The following RGS12 variants were observed in gnomAD, a reference collection of about 807,000 sequenced individuals.
RGS12 encodes the protein regulator of G protein signaling 12, also known as regulator of G-protein signaling 12.
A neutral mutation model predicts 120.1 loss-of-function variants in RGS12; 66 were observed. That is an observed-to-expected ratio of 0.55 (90% CI 0.45 to 0.67). The LOEUF is 0.67. Ranked by LOEUF, RGS12 falls within the 30% of genes least tolerant of loss-of-function variation. The probability of loss-of-function intolerance (pLI) is 0.00; values close to 1 mark genes in which losing one functional copy is unlikely to be tolerated. For synonymous variants in RGS12, 827 were observed against 804.7 expected (o/e 1.03, Z -0.47); for missense variants, 1,859 against 1,957.7 (o/e 0.95, Z 0.95).
chr4:3,406,801 C>T (rs1721183163), intron 4 of RGS12, among the ~76,000 whole-genome samples: 1 of 152,170 alleles, frequency 6.6e-6, no homozygotes, highest in Non-Finnish European at 1.5e-5. Context: ...AGGGACCACC[C>T]CATGTGGTGG....
At position 3,365,529 on chromosome 4, in the gene RGS12, G is replaced by A. The variant is rs551735329; in HGVS notation, c.1999-20887G>A. Reference sequence around the variant, plus strand: ...CTGTAAATCCCAGCAAAAACCGACGGAGCCCTGAGTCCGACCTAAGCCTTA... The same window carrying A: ...CTGTAAATCCCAGCAAAAACCGACGAAGCCCTGAGTCCGACCTAAGCCTTA... On this transcript the variant is annotated intron_variant, in intron 3 of 17. Coordinates refer to ENST00000336727, the MANE Select transcript of RGS12 (RefSeq NM_001394154.1). This position sits in a 1 kb window ranked among gnomAD's most constrained non-coding sequence, Gnocchi z 4.0. Among the ~76,000 whole-genome samples, 109 of 152,246 alleles carry A rather than the reference G, an allele frequency of 7.2e-4. No homozygotes were observed. The highest frequency in any genetic ancestry group is 2.4e-3 in the African/African-American group (99 of 41,524).
intron 4 of RGS12, among the ~76,000 whole-genome samples, chr4:3,411,695 A>T (rs748860572): frequency 6.6e-6 from 1 of 152,132 alleles, no homozygotes; most frequent in African/African-American, 2.4e-5. Context: ...CCCCAGAGAG[A>T]GTGAGTGTGC....
At position 3,420,727 on chromosome 4, in the gene RGS12, C is replaced by T; in HGVS notation, c.2838+9C>T. On this transcript the variant is annotated intron_variant, in intron 10 of 17. Transcript: ENST00000336727. ...CGGGGAGCCTGGACCTGGTGAGTCA[C>T]TGTCTCCCCTCGTCCCACAGGCCTC... 6.2e-7 allele frequency: 1 copy of T among 1,610,172 alleles called. No homozygotes were observed. The highest frequency in any genetic ancestry group is 8.5e-7 in the Non-Finnish European group (1 of 1,179,214).
At chr4:3,416,763 A>AC (rs1722442793) in intron 7 of RGS12, 150 bp from the exon 8 acceptor site, 1 of 668,234 alleles carries the variant, frequency 1.5e-6, no homozygotes, top group East Asian at 2.6e-5. Context: ...ACTCTTAAGT[A>AC]CCCTCAGGGC....
In RGS12 at chr4:3,430,668, G is replaced by T. The variant is rs772478098; in HGVS notation, c.3827G>T (p.Gly1276Val). The T allele has an allele frequency of 2.5e-6, 4 of 1,588,460 alleles. No homozygotes were observed. Among genetic ancestry groups the T allele is most frequent in the Admixed American group, 1.7e-5 (1 of 57,228 alleles). ...AGCGACAGCCCGTCCACCAGCCCGG[G>T]CTCAGCCTCCAGCCCCCCTGGACCT... ...ESSDSPSTSP[G>V]SASSPPGPPG... Residue 1276 changes from glycine to valine, a missense_variant, in exon 17 of 18, where the codon GGC becomes GTC. Coordinates refer to ENST00000336727, the MANE Select transcript of RGS12 (RefSeq NM_001394154.1).
Position 3,425,505 on chromosome 4 carries a change from G to C in RGS12, c.3276G>C (p.Ser1092=). ...KEPLDLGAPI[S]SLDGQRVVLE... Reference sequence around the variant, plus strand: ...CCCTGGACCTTGGCGCCCCTATATCGAGTCTGGACGGACAGCGGGTTGTCT... The same window carrying C: ...CCCTGGACCTTGGCGCCCCTATATCCAGTCTGGACGGACAGCGGGTTGTCT... Residue 1092 remains serine (S), a synonymous_variant, in exon 14 of 18, where the codon TCG becomes TCC. Transcript: ENST00000336727. 6.2e-7 allele frequency: 1 copy of C among 1,612,084 alleles called. No individual in the cohort carries two copies. The highest frequency in any genetic ancestry group is 2.2e-5 in the East Asian group (1 of 44,812).
chr4:3,361,555 C>T (rs1053642645), intron 3 of RGS12, among the ~76,000 whole-genome samples: 13 of 152,234 alleles, frequency 8.5e-5, no homozygotes, highest in South Asian at 2.1e-4. Flanking sequence ...TGGCGAGGGG[C>T]AGGCTGGCCT....
At chr4:3,422,175 G>A (rs543068125) in intron 10 of RGS12, among the ~76,000 whole-genome samples, 14 of 152,328 alleles carry the variant, frequency 9.2e-5, no homozygotes, top group East Asian at 3.9e-4. Flanking sequence ...CCGCTCTCTC[G>A]TGTTAATTCA....
rs1716222806 is a variant in RGS12, at chr4:3,365,630, G to A, written c.1999-20786G>A. Among the ~76,000 whole-genome samples the A allele has an allele frequency of 6.6e-6, 1 of 152,126 alleles. No individual in the cohort carries two copies. ...CTTCCTGGCCTCCCACTCACCTCTG[G>A]GACGACGTGCCGCACGTCACATTGT... On this transcript the variant is annotated intron_variant, in intron 3 of 17. Coordinates refer to ENST00000336727, the MANE Select transcript of RGS12 (RefSeq NM_001394154.1). This position sits in a 1 kb window ranked among gnomAD's most constrained non-coding sequence, Gnocchi z 4.0.
At chr4:3,436,889 C>T (rs545616373) in intron 17 of RGS12, among the ~76,000 whole-genome samples, 21 of 152,306 alleles carry the variant, frequency 1.4e-4, no homozygotes, top group African/African-American at 4.1e-4. Context: ...GGCAGGGAGC[C>T]GTGGGGCGCC....
At chr4:3,287,264 G>A in the RGS12 span, among the ~76,000 whole-genome samples, 1 of 152,144 alleles carries the variant, frequency 6.6e-6, no homozygotes, top group Non-Finnish European at 1.5e-5. Flanking sequence ...TTGTTTTGAG[G>A]CGATGCTTTC....
chr4:3,314,152 T>C (rs1483737015), intron 1 of RGS12: 1 of 152,006 alleles, frequency 6.6e-6, no homozygotes, highest in Non-Finnish European at 1.5e-5. Flanking sequence ...ATGTAATTTA[T>C]ATTCATTTTT....
At position 3,417,716 on chromosome 4, in the gene RGS12, G is replaced by T. The variant is rs57569746; in HGVS notation, c.2761+175G>T. On this transcript the variant is annotated intron_variant, in intron 9 of 17. Transcript: ENST00000336727. ...GGAATGCCGCTGTGTCTGGGGACAC[G>T]ACCTGTCAGCCAGCCAGAGGGCAGC... The T allele has an allele frequency of 3.2e-5, 21 of 656,690 alleles. No homozygotes were observed. The African/African-American group carries it at 3.8e-4, about 12-fold the overall frequency. 40.7% of individuals were successfully genotyped at this position (656,690 alleles called of 1,614,324 possible).
chr4:3,308,397 C>T (rs970380273), intron 1 of RGS12, among the ~76,000 whole-genome samples: 2 of 152,182 alleles, frequency 1.3e-5, no homozygotes, highest in Non-Finnish European at 1.5e-5. Context: ...GCTCCTCTTG[C>T]TGCAGGCGGG....
chr4:3,386,979 A>G (rs895398220), intron 4 of RGS12, among the ~76,000 whole-genome samples: 1 of 152,252 alleles, frequency 6.6e-6, no homozygotes, highest in African/African-American at 2.4e-5. Flanking sequence ...GGAAGTAGGC[A>G]GGAATGTCTT....
chr4:3,327,536 G>C (rs1263624980), intron 2 of RGS12, among the ~76,000 whole-genome samples: 1 of 152,186 alleles, frequency 6.6e-6, no homozygotes, highest in African/African-American at 2.4e-5. Flanking sequence ...CACCTGACAA[G>C]GGTCTAATAT....
At chr4:3,345,089 GAC>G (rs1185677850) in intron 3 of RGS12, among the ~76,000 whole-genome samples, 1 of 152,166 alleles carries the variant, frequency 6.6e-6, no homozygotes, top group Non-Finnish European at 1.5e-5. Flanking sequence ...GGTCAAGAAA[GAC>G]AGCAGTTTTT....
At chr4:3,304,395 C>G (rs1258998395) in intron 1 of RGS12, among the ~76,000 whole-genome samples, 1 of 152,198 alleles carries the variant, frequency 6.6e-6, no homozygotes, top group African/African-American at 2.4e-5. Context: ...CTGAGACACT[C>G]TTGAGAACCA....
chr4:3,400,715 TATTAGTAATACTC>T (rs200711384), intron 4 of RGS12, among the ~76,000 whole-genome samples: 3,666 of 149,044 alleles, frequency 0.025, 79 homozygotes, highest in African/African-American at 0.052. Flanking sequence ...TGCTTATTAG[TATTAGTAATACTC>T]ATTAGTAATA....
Sources: allele counts gnomAD v4.1 joint callset (sites outside exome capture counted in the v4.1 genomes callset), GRCh38; gene constraint gnomAD v4.1.1; non-coding constraint Gnocchi (gnomAD v3.1); transcripts MANE v1.5; gene names NCBI Gene and HGNC (gene_info 2026-07-23, HGNC 2026-07-21).